The following LDB2 variants were observed in gnomAD, a reference collection of about 807,000 sequenced individuals.
LDB2 encodes the protein LIM domain-binding protein 2.
Under a neutral mutation model 44.3 loss-of-function variants are expected in LDB2, and 12 were observed. The observed-to-expected ratio is 0.27, with a 90% confidence interval of 0.17 to 0.44. LDB2 has a LOEUF of 0.44. Among genes scored for constraint, LDB2 ranks in the 20% least tolerant of loss-of-function variants. The pLI, the probability that LDB2 is intolerant of heterozygous loss-of-function variation, is 1.00. For synonymous variants in LDB2, 164 were observed against 174.8 expected (o/e 0.94, Z 0.49); for missense variants, 344 against 473.5 (o/e 0.73, Z 2.54).
chr4:16,881,831 A>G (rs1475841080), intron 1 of LDB2, among the ~76,000 whole-genome samples: 2 of 152,176 alleles, frequency 1.3e-5, no homozygotes, highest in African/African-American at 4.8e-5. Flanking sequence ...CAATAAGTTA[A>G]GAGACCTAGT....
chr4:16,652,975 T>G (rs556891498), intron 2 of LDB2, among the ~76,000 whole-genome samples: 2 of 152,184 alleles, frequency 1.3e-5, no homozygotes, highest in Non-Finnish European at 2.9e-5. Flanking sequence ...ATAATTAACA[T>G]CATGTTAATT....
intron 5 of LDB2, among the ~76,000 whole-genome samples, chr4:16,570,757 C>G (rs1746231314): frequency 6.6e-6 from 1 of 151,954 alleles, no homozygotes; most frequent in Non-Finnish European, 1.5e-5. Flanking sequence ...TTAGAGTATT[C>G]CAGGCAGTGG....
chr4:16,843,411 TTGTAAATG>T (rs1033711902), intron 1 of LDB2, among the ~76,000 whole-genome samples: 1 of 152,072 alleles, frequency 6.6e-6, no homozygotes, highest in African/African-American at 2.4e-5. Context: ...CAACAAACAG[TTGTAAATG>T]AGTGAATGAG....
At chr4:16,823,638 C>T (rs1782514818) in intron 1 of LDB2, among the ~76,000 whole-genome samples, 1 of 152,124 alleles carries the variant, frequency 6.6e-6, no homozygotes, top group Non-Finnish European at 1.5e-5. Flanking sequence ...TACCTCTCTG[C>T]CTGAGGTTCC....
At chr4:16,524,385 GAGACATACAA>G in intron 5 of LDB2, among the ~76,000 whole-genome samples, 1 of 152,160 alleles carries the variant, frequency 6.6e-6, no homozygotes, top group East Asian at 1.9e-4. Flanking sequence ...TATTTAAGTT[GAGACATACAA>G]AGATGAATTA....
intron 1 of LDB2, among the ~76,000 whole-genome samples, chr4:16,883,934 C>T (rs1337094185): frequency 2.0e-5 from 3 of 152,154 alleles, no homozygotes; most frequent in Non-Finnish European, 4.4e-5. Context: ...GAAAATCCAT[C>T]CTTTGCTTCA....
chr4:16,784,364 G>C (rs1413854324), intron 1 of LDB2, among the ~76,000 whole-genome samples: 1 of 152,242 alleles, frequency 6.6e-6, no homozygotes, highest in East Asian at 1.9e-4. Flanking sequence ...TGTAGACTGG[G>C]GCTGGTAATT....
chr4:16,659,177 C>G (rs1285188450), intron 2 of LDB2, among the ~76,000 whole-genome samples: 1 of 152,134 alleles, frequency 6.6e-6, no homozygotes, highest in African/African-American at 2.4e-5. Flanking sequence ...AAGACCAAGA[C>G]TGTCCTTAAA....
At chr4:16,557,900 G>A (rs539821280) in intron 5 of LDB2, among the ~76,000 whole-genome samples, 27 of 152,312 alleles carry the variant, frequency 1.8e-4, no homozygotes, top group African/African-American at 4.6e-4. Flanking sequence ...AGCAGCATTC[G>A]TGGCGCACGA....
At position 16,850,948 on chromosome 4, in the gene LDB2, G is replaced by A. The variant is rs551786877; in HGVS notation, c.132+47406C>T. On this transcript the variant is annotated intron_variant, in intron 1 of 7. Coordinates refer to ENST00000304523, the MANE Select transcript of LDB2 (RefSeq NM_001290.5). Reference sequence around the variant, plus strand: ...ATATAGGTAATAGTTAAAACCATAAGTGTGTGTGTGTGTGTGTGTGTGTGT... The same window carrying A: ...ATATAGGTAATAGTTAAAACCATAAATGTGTGTGTGTGTGTGTGTGTGTGT... Among the ~76,000 whole-genome samples the A allele has an allele frequency of 1.1e-3, 8 of 6,994 alleles. No homozygotes were observed. In the East Asian group the frequency reaches 0.075, roughly 66 times the overall value. 4.6% of individuals were successfully genotyped at this position (6,994 alleles called of 152,430 possible).
rs551237692 is a variant in LDB2, at chr4:16,557,855, C to T, written c.615+28067G>A. ...CTGACACCTCACACGGCCGGGTACTCCTCTGAGACAAAACTTCCAGAGGAA... is the reference window on the plus strand; with the variant it reads ...CTGACACCTCACACGGCCGGGTACTTCTCTGAGACAAAACTTCCAGAGGAA... On this transcript the variant is annotated intron_variant, in intron 5 of 7. Transcript: ENST00000304523. Among the ~76,000 whole-genome samples, 5 of 152,334 alleles carry T rather than the reference C, an allele frequency of 3.3e-5. No homozygotes were observed. The South Asian group carries it at 8.3e-4, about 25-fold the overall frequency.
chr4:16,517,171 A>G (rs545922441), intron 5 of LDB2, among the ~76,000 whole-genome samples: 83 of 152,318 alleles, frequency 5.4e-4, no homozygotes, highest in African/African-American at 1.9e-3. Context: ...TGAGACCCTC[A>G]AGAGAATCTG....
chr4:16,795,559 T>A (rs2109667124), intron 1 of LDB2, among the ~76,000 whole-genome samples: 1 of 152,188 alleles, frequency 6.6e-6, no homozygotes, highest in Admixed American at 6.5e-5. Flanking sequence ...GGTGGTTCAC[T>A]CTAGCTCACC....
intron 2 of LDB2, among the ~76,000 whole-genome samples, chr4:16,640,400 A>T (rs1734814813): frequency 6.6e-6 from 1 of 152,182 alleles, no homozygotes; most frequent in South Asian, 2.1e-4. Context: ...GGACCTTCTA[A>T]GTTGCTGGGC....
chr4:16,804,512 G>A (rs573600936), intron 1 of LDB2, among the ~76,000 whole-genome samples: 2 of 152,262 alleles, frequency 1.3e-5, no homozygotes, highest in East Asian at 3.9e-4. Flanking sequence ...ACACAGCAAT[G>A]GTTGGTCTTC....
intron 1 of LDB2, among the ~76,000 whole-genome samples, chr4:16,800,887 G>A (rs1040744018): frequency 6.6e-6 from 1 of 152,194 alleles, no homozygotes; most frequent in African/African-American, 2.4e-5. Context: ...GTGTTAGCCA[G>A]GATGGTCTCG....
chr4:16,829,183 AG>A (rs1261175438), intron 1 of LDB2, among the ~76,000 whole-genome samples: 2 of 152,214 alleles, frequency 1.3e-5, no homozygotes, highest in Non-Finnish European at 1.5e-5. Flanking sequence ...GAACTGTCAC[AG>A]GGGTGATTCC....
intron 2 of LDB2, among the ~76,000 whole-genome samples, chr4:16,670,816 G>C (rs1256133845): frequency 6.6e-6 from 1 of 152,178 alleles, no homozygotes; most frequent in Non-Finnish European, 1.5e-5. Context: ...GAGAAGGCTT[G>C]ACATGTAATA....
chr4:16,522,470 G>T (rs2152278334), intron 5 of LDB2, among the ~76,000 whole-genome samples: 1 of 152,192 alleles, frequency 6.6e-6, no homozygotes, highest in East Asian at 1.9e-4. Context: ...TACTTATTTA[G>T]CATTTACATT....
Sources: gnomAD v4.1 joint callset for allele counts (sites outside exome capture counted in the v4.1 genomes callset) on GRCh38, gnomAD v4.1.1 for gene constraint, MANE v1.5 for transcripts, NCBI Gene and HGNC (gene_info 2026-07-23, HGNC 2026-07-21) for gene names.